Variants in LGR4 observed in about 807,000 individuals in gnomAD.
LGR4 encodes the protein leucine-rich repeat-containing G protein-coupled receptor 4.
A neutral mutation model predicts 84.8 loss-of-function variants in LGR4; 44 were observed. That is an observed-to-expected ratio of 0.52 (90% confidence interval 0.41 to 0.67). The LOEUF (loss-of-function observed/expected upper bound fraction) is 0.67, where lower values mean the gene tolerates loss of function less well. Among genes scored for constraint, LGR4 ranks in the 30% least tolerant of loss-of-function variants. The pLI is 0.00. For synonymous variants in LGR4, 429 were observed against 434.3 expected, an observed-to-expected ratio of 0.99 and a Z score of 0.15; for missense variants, 1,032 against 1,131.4, an observed-to-expected ratio of 0.91 and a Z score of 1.26.
intron 1 of LGR4, among the ~76,000 whole-genome samples, chr11:27,425,335 T>G (rs560699576): frequency 4.9e-4 from 73 of 149,692 alleles, no homozygotes; most frequent in African/African-American, 1.8e-3. Flanking sequence ...AGTTTTTTTT[T>G]TTGTTTTTTT....
In LGR4 at chr11:27,472,708, C is replaced by T. The variant is rs1036370636; in HGVS notation, c.-406G>A. On this transcript the variant is annotated 5_prime_UTR_variant, in exon 1 of 18. In the 5' UTR this introduces an upstream ATG that the reference lacks. Coordinates refer to ENST00000379214, the MANE Select transcript of LGR4 (RefSeq NM_018490.5). ...CCCAGCCCCCGCCGTGGCTCTCGCA[C>T]AAACACCCAGACTCTGGCTCGCTGT... 3 of 362,620 alleles carry T rather than the reference C, an allele frequency of 8.3e-6. No homozygotes were observed. The highest frequency in any genetic ancestry group is 1.5e-5 in the Non-Finnish European group (3 of 203,414). 22.5% of individuals were successfully genotyped at this position (362,620 alleles called of 1,614,324 possible).
intron 4 of LGR4, among the ~76,000 whole-genome samples, chr11:27,387,351 A>G (rs1161399463): frequency 6.6e-6 from 1 of 152,190 alleles, no homozygotes; most frequent in African/African-American, 2.4e-5. Context: ...CTACCTCTGG[A>G]ATAGATAAAC....
chr11:27,380,037 G>C (rs1051471231), intron 10 of LGR4, among the ~76,000 whole-genome samples: 1 of 152,080 alleles, frequency 6.6e-6, no homozygotes, highest in African/African-American at 2.4e-5. Context: ...TTGGCACTTT[G>C]TTACTGCCTT....
At chr11:27,425,689 C>A (rs1040294781) in intron 1 of LGR4, among the ~76,000 whole-genome samples, 11 of 152,140 alleles carry the variant, frequency 7.2e-5, no homozygotes, top group Admixed American at 1.3e-4. Context: ...AGTAAATGAA[C>A]TGACCATCCC....
intron 2 of LGR4, among the ~76,000 whole-genome samples, chr11:27,406,153 CT>C (rs551691874): frequency 2.4e-3 from 367 of 152,260 alleles, no homozygotes; most frequent in Non-Finnish European, 4.0e-3. Context: ...ATAACTCCCC[CT>C]ATCCCCTCTA....
rs1037349575 is a variant in LGR4 at position 27,380,336 on chromosome 11, G to A, written c.906C>T (p.Val302=). The change falls in exon 10 of 18, where the codon GTC becomes GTT. Residue 302 remains valine (V), a synonymous_variant. Transcript: ENST00000379214. ...FHNLSDLHSL[V]IRGASMVQQF... is the part of the protein sequence containing the mutation. ...GCTGCACCATGCTTGCACCACGAAT[G>A]ACTCTTTATGAAATTGAGAAAGACA... is the stretch of plus-strand genomic sequence containing the variant. 1 of 1,603,816 alleles carries A rather than the reference G, an allele frequency of 6.2e-7. No individual in the cohort carries two copies. Among genetic ancestry groups the A allele is most frequent in the Admixed American group, 1.7e-5 (1 of 58,378 alleles).
intron 1 of LGR4, among the ~76,000 whole-genome samples, chr11:27,430,219 C>T (rs1864093507): frequency 6.6e-6 from 1 of 152,156 alleles, no homozygotes; most frequent in Non-Finnish European, 1.5e-5. Flanking sequence ...CCACTCAAAG[C>T]TCCATCGAGA....
intron 1 of LGR4, among the ~76,000 whole-genome samples, chr11:27,414,692 G>A (rs1265063977): frequency 1.3e-5 from 2 of 152,098 alleles, no homozygotes; most frequent in Non-Finnish European, 2.9e-5. Flanking sequence ...GGGAAGGGGC[G>A]AGGAAATGTT....
intron 1 of LGR4, among the ~76,000 whole-genome samples, chr11:27,428,755 T>G (rs1042956799): frequency 6.7e-6 from 1 of 149,024 alleles, no homozygotes; most frequent in African/African-American, 2.6e-5. Flanking sequence ...CTTTTTTTTG[T>G]TTTTTTACGA....
At chr11:27,454,063 T>A (rs1275833392) in intron 1 of LGR4, among the ~76,000 whole-genome samples, 4 of 152,238 alleles carry the variant, frequency 2.6e-5, no homozygotes, top group Non-Finnish European at 5.9e-5. Context: ...GATAAAACTT[T>A]GGTCTCCACA....
At chr11:27,429,088 G>A (rs564108434) in intron 1 of LGR4, among the ~76,000 whole-genome samples, 4 of 152,226 alleles carry the variant, frequency 2.6e-5, no homozygotes, top group African/African-American at 4.8e-5. Flanking sequence ...TGGGCAACAC[G>A]GAGCATTAAA....
At chr11:27,408,423 C>T (rs1159642112) in intron 2 of LGR4, among the ~76,000 whole-genome samples, 1 of 152,112 alleles carries the variant, frequency 6.6e-6, no homozygotes, top group African/African-American at 2.4e-5. Context: ...TGTCCAAGTG[C>T]CAAAGCTGGC....
At chr11:27,425,151 C>T (rs1863998814) in intron 1 of LGR4, among the ~76,000 whole-genome samples, 1 of 151,892 alleles carries the variant, frequency 6.6e-6, no homozygotes, top group Non-Finnish European at 1.5e-5. Context: ...GATATGTTGA[C>T]AATCAGAAAT....
Position 27,384,935 on chromosome 11 carries a change from C to A in LGR4, c.617+318G>T, listed in dbSNP as rs535303799. ...CTGGGACTAACTTCTATGGACACCT[C>A]GAAATGACTTCCCTTCTTTTAACAT... On this transcript the variant is annotated intron_variant, in intron 5 of 17. Transcript: ENST00000379214. Among the ~76,000 whole-genome samples, 49 of 152,254 alleles carry A rather than the reference C, an allele frequency of 3.2e-4. 1 individual carries two copies. The South Asian group carries it at 9.8e-3, about 30-fold the overall frequency.
At chr11:27,369,558 T>C (rs1030645470) in intron 17 of LGR4, among the ~76,000 whole-genome samples, 1 of 152,186 alleles carries the variant, frequency 6.6e-6, no homozygotes, top group Non-Finnish European at 1.5e-5. Flanking sequence ...TAAAATTGTA[T>C]AAATTTTAAC....
intron 1 of LGR4, among the ~76,000 whole-genome samples, chr11:27,469,883 C>A (rs1440515813): frequency 6.6e-6 from 1 of 152,192 alleles, no homozygotes; most frequent in Non-Finnish European, 1.5e-5. Context: ...ATATGATCGA[C>A]TGGAGTGTGC....
chr11:27,458,454 C>G (rs988966598), intron 1 of LGR4, among the ~76,000 whole-genome samples: 1 of 152,030 alleles, frequency 6.6e-6, no homozygotes, highest in Non-Finnish European at 1.5e-5. Flanking sequence ...TAGAACTGAA[C>G]ATTAAAAAGG....
At position 27,366,010 on chromosome 11, in the gene LGR4, T is replaced by C. The variant is rs1394224485; in HGVS notation, c.*1857A>G. The C allele has an allele frequency of 6.6e-6, 1 of 152,472 alleles. No individual in the cohort carries two copies. Among genetic ancestry groups the C allele is most frequent in the Non-Finnish European group, 1.5e-5 (1 of 67,970 alleles). The allele number at this position is 152,472 out of a possible 1,614,324, so 9.4% of individuals were successfully genotyped here. ...TCAAAACACTGAGTACAATATTGTA[T>C]TTCATACCATATAGCACAAAGATTA... is the stretch of plus-strand genomic sequence containing the variant. On this transcript the variant is annotated 3_prime_UTR_variant, in exon 18 of 18. Transcript: ENST00000379214.
intron 17 of LGR4, among the ~76,000 whole-genome samples, chr11:27,370,701 G>A (rs952554700): frequency 2.6e-5 from 4 of 152,162 alleles, no homozygotes; most frequent in Non-Finnish European, 5.9e-5. Flanking sequence ...AAATGGAAAC[G>A]CTGCATGTTG....
Sources: allele counts gnomAD v4.1 joint callset (sites outside exome capture counted in the v4.1 genomes callset), GRCh38; gene constraint gnomAD v4.1.1; transcripts MANE v1.5; gene names NCBI Gene and HGNC (gene_info 2026-07-23, HGNC 2026-07-21).